The following HPSE2 variants were observed in gnomAD, a reference collection of about 807,000 sequenced individuals.
The protein encoded by HPSE2 is heparanase 2 (inactive), also known as inactive heparanase-2.
A neutral mutation model predicts 60.5 loss-of-function variants in HPSE2; 38 were observed. That is an observed-to-expected ratio of 0.63 (90% CI 0.48 to 0.82). HPSE2 has a LOEUF of 0.82. Ranked by LOEUF, HPSE2 falls within the 40% of genes least tolerant of loss-of-function variation. The pLI is 0.00. For synonymous variants in HPSE2, 295 were observed against 293.2 expected, an observed-to-expected ratio of 1.01 and a Z score of -0.06; for missense variants, 713 against 740.4, an observed-to-expected ratio of 0.96 and a Z score of 0.43.
At chr10:98,612,968 C>T (rs116880375) in intron 9 of HPSE2, among the ~76,000 whole-genome samples, 268 of 152,232 alleles carry the variant, frequency 1.8e-3, no homozygotes, top group Non-Finnish European at 2.5e-3. Flanking sequence ...CTTGTGTTTC[C>T]GCAAACGTGC....
At chr10:98,947,734 AGCT>A (rs71009716) in intron 3 of HPSE2, among the ~76,000 whole-genome samples, 71,819 of 151,570 alleles carry the variant, frequency 0.47, 19,023 homozygotes, top group East Asian at 0.62. Flanking sequence ...CTATCTATGA[AGCT>A]GCTAACCCCA....
intron 3 of HPSE2, among the ~76,000 whole-genome samples, chr10:98,770,644 T>A (rs951425374): frequency 3.9e-5 from 6 of 152,038 alleles, no homozygotes; most frequent in African/African-American, 1.4e-4. Context: ...CCTTCCCTTC[T>A]CCTCGCCTCC....
chr10:99,170,132 C>G (rs1847252764), intron 2 of HPSE2, among the ~76,000 whole-genome samples: 1 of 152,012 alleles, frequency 6.6e-6, no homozygotes, highest in South Asian at 2.1e-4. Flanking sequence ...GATATGAAAA[C>G]TGGGGCTAGG....
At chr10:99,111,340 T>C (rs1351045666) in intron 3 of HPSE2, among the ~76,000 whole-genome samples, 1 of 152,192 alleles carries the variant, frequency 6.6e-6, no homozygotes, top group Non-Finnish European at 1.5e-5. Flanking sequence ...GAATTCATAA[T>C]TTTGTATTCT....
intron 3 of HPSE2, among the ~76,000 whole-genome samples, chr10:99,068,753 G>A (rs1025068754): frequency 2.0e-5 from 3 of 151,908 alleles, no homozygotes; most frequent in African/African-American, 7.3e-5. Context: ...AGAAAGAGAG[G>A]AAAGATCATC....
At chr10:99,144,002 T>C (rs1845959401) in intron 3 of HPSE2, among the ~76,000 whole-genome samples, 1 of 152,244 alleles carries the variant, frequency 6.6e-6, no homozygotes, top group Non-Finnish European at 1.5e-5. Context: ...AGTCGTATTT[T>C]TAAAGGCTTC....
intron 3 of HPSE2, among the ~76,000 whole-genome samples, chr10:98,875,182 C>A (rs1211536643): frequency 6.6e-6 from 1 of 151,916 alleles, no homozygotes. Context: ...AAGATCAGAG[C>A]AGAACTGAAG....
chr10:99,005,363 C>A (rs997508114), intron 3 of HPSE2, among the ~76,000 whole-genome samples: 1 of 151,898 alleles, frequency 6.6e-6, no homozygotes, highest in African/African-American at 2.4e-5. Context: ...TTTTATCATT[C>A]GACTACATAT....
intron 2 of HPSE2, among the ~76,000 whole-genome samples, chr10:99,179,238 C>T (rs1036781261): frequency 2.6e-5 from 4 of 152,142 alleles, no homozygotes; most frequent in South Asian, 4.1e-4. Flanking sequence ...CTAACCATTG[C>T]TATTCAACAT....
At chr10:98,957,529 T>C (rs1044729618) in intron 3 of HPSE2, among the ~76,000 whole-genome samples, 1 of 152,192 alleles carries the variant, frequency 6.6e-6, no homozygotes, top group African/African-American at 2.4e-5. Context: ...GAAAGGGCCA[T>C]GCCCATTATG....
At chr10:98,860,636 A>G (rs1169312742) in intron 3 of HPSE2, among the ~76,000 whole-genome samples, 1 of 152,224 alleles carries the variant, frequency 6.6e-6, no homozygotes, top group Non-Finnish European at 1.5e-5. Flanking sequence ...TGCTAGAGCT[A>G]GGACATAAAC....
chr10:99,260,436 A>G, the HPSE2 span, among the ~76,000 whole-genome samples: 1 of 152,132 alleles, frequency 6.6e-6, no homozygotes, highest in Non-Finnish European at 1.5e-5. Context: ...TCCTCAGACC[A>G]CCAGCCCAAG....
At chr10:99,174,494 C>G (rs544883075) in intron 2 of HPSE2, among the ~76,000 whole-genome samples, 13 of 152,320 alleles carry the variant, frequency 8.5e-5, no homozygotes, top group Non-Finnish European at 1.5e-4. Context: ...GACCATTATT[C>G]TGTGCCCTAT....
chr10:98,519,566 T>C (rs4917838), intron 9 of HPSE2, among the ~76,000 whole-genome samples: 116,720 of 152,266 alleles, frequency 0.77, 49,427 homozygotes, highest in East Asian at 0.96. Context: ...CACTGCCTTC[T>C]TGGCAGGCTG....
intron 3 of HPSE2, among the ~76,000 whole-genome samples, chr10:98,924,796 G>A (rs1954398284): frequency 6.6e-6 from 1 of 152,130 alleles, no homozygotes; most frequent in Non-Finnish European, 1.5e-5. Context: ...CCTAGGAATT[G>A]CAGTCTTTGT....
At chr10:99,133,984 T>C (rs1027197143) in intron 3 of HPSE2, among the ~76,000 whole-genome samples, 1 of 152,164 alleles carries the variant, frequency 6.6e-6, no homozygotes, top group African/African-American at 2.4e-5. Flanking sequence ...GAAAAAAGGT[T>C]AGACGAATTG....
At chr10:98,607,078 T>TCTCCCTCC (rs976304041) in intron 9 of HPSE2, among the ~76,000 whole-genome samples, 1 of 98,254 alleles carries the variant, frequency 1.0e-5, no homozygotes, top group African/African-American at 4.2e-5. Context: ...TCCCTCCCTC[T>TCTCCCTCC]CTCCCTCCCT....
At chr10:98,592,787 T>C (rs1239923518) in intron 9 of HPSE2, among the ~76,000 whole-genome samples, 1 of 152,212 alleles carries the variant, frequency 6.6e-6, no homozygotes, top group East Asian at 1.9e-4. Context: ...TTTATTTGAG[T>C]TGGTATGGAA....
At chr10:99,193,556 A>T (rs1848293530) in intron 2 of HPSE2, among the ~76,000 whole-genome samples, 1 of 152,008 alleles carries the variant, frequency 6.6e-6, no homozygotes, top group East Asian at 1.9e-4. Flanking sequence ...TCACCTATAA[A>T]GACACACACA....
Sources: gnomAD v4.1 joint callset for allele counts (sites outside exome capture counted in the v4.1 genomes callset) on GRCh38, gnomAD v4.1.1 for gene constraint, MANE v1.5 for transcripts, NCBI Gene and HGNC (gene_info 2026-07-23, HGNC 2026-07-21) for gene names.